The following CHSY1 variants were observed in gnomAD, a reference collection of about 807,000 sequenced individuals.
The protein encoded by CHSY1 is N-acetylgalactosaminyl-proteoglycan 3-beta-glucuronosyltransferase 1.
CHSY1 carries 13 observed loss-of-function variants against 59.8 expected under a neutral mutation model. That is an observed-to-expected ratio of 0.22 (90% CI 0.14 to 0.35). The LOEUF is 0.35. CHSY1 is among the 10% of genes least tolerant of loss of function. CHSY1 has a pLI of 1.00. For synonymous variants in CHSY1, 459 were observed against 401.2 expected, an observed-to-expected ratio of 1.14 and a Z score of -1.72; for missense variants, 947 against 1,030.6, an observed-to-expected ratio of 0.92 and a Z score of 1.11.
chr15:101,234,395 G>A (rs117723043), intron 2 of CHSY1, among the ~76,000 whole-genome samples: 14,789 of 151,990 alleles, frequency 0.097, 992 homozygotes, highest in Middle Eastern at 0.18. Context: ...GAAGAGCCAG[G>A]CCTTTGCAAA....
chr15:101,225,868 T>C (rs2038836456), intron 2 of CHSY1, among the ~76,000 whole-genome samples: 2 of 152,228 alleles, frequency 1.3e-5, no homozygotes, highest in African/African-American at 4.8e-5. Flanking sequence ...TTCAAATGTA[T>C]ACAGGAAATG....
Position 101,178,624 on chromosome 15 carries a change from C to A in CHSY1, c.1173G>T (p.Gln391His). 1 of 1,614,234 alleles carries A rather than the reference C, an allele frequency of 6.2e-7. No homozygotes were observed. The part of the protein sequence containing the change: ...GKYLYSAVDG[Q>H]PPRRGMDSAQ... ...CGGAGTCCATTCCTCTTCGAGGGGG[C>A]TGGCCGTCAACTGCCGAATACAAGT... The change falls in exon 3 of 3, where the codon CAG becomes CAT. Residue 391 changes from glutamine to histidine, a missense_variant. Physicochemically the swap from Gln to His is conservative, Grantham distance 24 (BLOSUM62 0). Coordinates refer to ENST00000254190, the MANE Select transcript of CHSY1 (RefSeq NM_014918.5).
At position 101,176,376 on chromosome 15, in the gene CHSY1, G is replaced by A. The variant is rs1222060101; in HGVS notation, c.*1012C>T. 1 of 398,420 alleles carries A rather than the reference G, an allele frequency of 2.5e-6. No individual in the cohort carries two copies. The highest frequency in any genetic ancestry group is 4.4e-6 in the Non-Finnish European group (1 of 226,040). 24.7% of individuals were successfully genotyped at this position (398,420 alleles called of 1,614,324 possible). A position where few individuals can be genotyped will look rare whatever the true frequency, so the allele number is the denominator to read the frequency against. ...AACGTTTTGATTAGGGTGTATGTGTGTATGTTTCAGTCTGTGTACATCAGA... is the reference window on the plus strand; with the variant it reads ...AACGTTTTGATTAGGGTGTATGTGTATATGTTTCAGTCTGTGTACATCAGA... On this transcript the variant is annotated 3_prime_UTR_variant, in exon 3 of 3. Coordinates refer to ENST00000254190, the MANE Select transcript of CHSY1 (RefSeq NM_014918.5).
At chr15:101,226,320 G>T (rs1179495589) in intron 2 of CHSY1, among the ~76,000 whole-genome samples, 1 of 152,102 alleles carries the variant, frequency 6.6e-6, no homozygotes, top group Non-Finnish European at 1.5e-5. Flanking sequence ...ATGAGCTATG[G>T]TAATAGGTAA....
Position 101,177,738 on chromosome 15 carries a change from A to G in CHSY1, c.2059T>C (p.Phe687Leu). The G allele has an allele frequency of 6.2e-7, 1 of 1,614,232 alleles. No homozygotes were observed. The highest frequency in any genetic ancestry group is 8.5e-7 in the Non-Finnish European group (1 of 1,180,038). The change falls in exon 3 of 3, where the codon TTC becomes CTC. Residue 687 changes from phenylalanine (F) to leucine (L), a missense_variant. By Grantham distance (22) the Phe-to-Leu change is conservative. Around this residue, in one of 4 missense-constraint regions of CHSY1, gnomAD observed 602 missense variants for 676.9 expected, o/e 0.89. Transcript: ENST00000254190. ...NHFAFTQKTGFWRNYGFGITC... is the reference protein window; with the variant it reads ...NHFAFTQKTGLWRNYGFGITC... The stretch of plus-strand genomic sequence containing the variant: ...ATGCCAAACCCATAGTTTCTCCAGA[A>G]GCCAGTTTTCTGAGTAAAGGCAAAA...
chr15:101,250,816 G>A (rs2039100436), intron 1 of CHSY1, among the ~76,000 whole-genome samples: 1 of 152,176 alleles, frequency 6.6e-6, no homozygotes, highest in Admixed American at 6.5e-5. Context: ...CATTATGAGG[G>A]AGACCCGATC....
rs886099798 is a variant in CHSY1 at position 101,175,991 on chromosome 15, G to A, written c.*1397C>T. The A allele has an allele frequency of 9.3e-6, 3 of 322,192 alleles. No homozygotes were observed. The highest frequency in any genetic ancestry group is 9.8e-5 in the Admixed American group (2 of 20,390). The allele number at this position is 322,192 out of a possible 1,614,324, so 20.0% of individuals were successfully genotyped here. On this transcript the variant is annotated 3_prime_UTR_variant, in exon 3 of 3. Coordinates refer to ENST00000254190, the MANE Select transcript of CHSY1 (RefSeq NM_014918.5). The stretch of plus-strand genomic sequence containing the variant: ...AATTTAACTTTCTGGTATAATGACA[G>A]ATTCATTTCACTTTTGTCCCCAAAA...
At chr15:101,187,885 AG>A (rs1420955446) in intron 2 of CHSY1, 1 of 271,756 alleles carries the variant, frequency 3.7e-6, no homozygotes. Flanking sequence ...GTCATTCTCC[AG>A]TGAATCTGAG....
chr15:101,196,964 G>A (rs895573366), intron 2 of CHSY1, among the ~76,000 whole-genome samples: 1 of 152,160 alleles, frequency 6.6e-6, no homozygotes, highest in Admixed American at 6.5e-5. Context: ...GAACAAAAAG[G>A]GGCAAAGCAT....
At chr15:101,185,268 T>C (rs1596426549) in intron 2 of CHSY1, among the ~76,000 whole-genome samples, 1 of 152,234 alleles carries the variant, frequency 6.6e-6, no homozygotes, top group Non-Finnish European at 1.5e-5. Flanking sequence ...CAATGAGATA[T>C]TAAAGCCAGG....
intron 2 of CHSY1, among the ~76,000 whole-genome samples, chr15:101,185,187 G>A (rs887241602): frequency 2.0e-5 from 3 of 152,214 alleles, no homozygotes; most frequent in Non-Finnish European, 4.4e-5. Flanking sequence ...TGGAGAGGCA[G>A]AAATCAAATA....
In CHSY1 at chr15:101,235,581, G is replaced by T; in HGVS notation, c.321-4C>A. On this transcript the variant is annotated splice_region_variant and splice_polypyrimidine_tract_variant and intron_variant, in intron 1 of 2. Coordinates refer to ENST00000254190, the MANE Select transcript of CHSY1 (RefSeq NM_014918.5). ...AGGAATTGTCTTGGACCATGTTCTG[G>T]AATTAAAATAAATATCAGTTAGAGA... 1 of 1,606,332 alleles carries T rather than the reference G, an allele frequency of 6.2e-7. No homozygotes were observed. The highest frequency in any genetic ancestry group is 1.3e-5 in the African/African-American group (1 of 74,920).
intron 1 of CHSY1, among the ~76,000 whole-genome samples, chr15:101,248,658 T>A (rs1164567132): frequency 6.6e-6 from 1 of 152,084 alleles, no homozygotes; most frequent in Admixed American, 6.5e-5. Flanking sequence ...TGAGATTAAG[T>A]CTTACATCCA....
chr15:101,225,926 C>G (rs1018239365), intron 2 of CHSY1, among the ~76,000 whole-genome samples: 2 of 152,176 alleles, frequency 1.3e-5, no homozygotes, highest in Non-Finnish European at 2.9e-5. Context: ...TCGATCCCAC[C>G]TCCTGAGAGT....
intron 2 of CHSY1, among the ~76,000 whole-genome samples, chr15:101,189,823 C>A (rs2038422083): frequency 6.6e-6 from 1 of 152,256 alleles, no homozygotes. Context: ...CTAAAGACTC[C>A]AGCGGCGCTG....
Position 101,175,790 on chromosome 15 carries a change from G to C in CHSY1, c.*1598C>G, listed in dbSNP as rs1267751137. On this transcript the variant is annotated 3_prime_UTR_variant, in exon 3 of 3. Coordinates refer to ENST00000254190, the MANE Select transcript of CHSY1 (RefSeq NM_014918.5). ...TCTTCAGCTAAAACAGGAATAATGA[G>C]ACAAAATGGTTCGAAAAGTACAATA... 1 of 85,882 alleles carries C rather than the reference G, an allele frequency of 1.2e-5. No individual in the cohort carries two copies. The highest frequency in any genetic ancestry group is 2.0e-5 in the Non-Finnish European group (1 of 48,884). The allele number at this position is 85,882 out of a possible 1,614,324, so 5.3% of individuals were successfully genotyped here.
At chr15:101,224,424 G>A (rs1255511823) in intron 2 of CHSY1, among the ~76,000 whole-genome samples, 1 of 152,212 alleles carries the variant, frequency 6.6e-6, no homozygotes, top group Admixed American at 6.5e-5. Context: ...ATGGGATGAT[G>A]TCAATTAACA....
intron 2 of CHSY1, among the ~76,000 whole-genome samples, chr15:101,220,202 C>T (rs2038775151): frequency 6.6e-6 from 1 of 152,090 alleles, no homozygotes; most frequent in Non-Finnish European, 1.5e-5. Flanking sequence ...ATCAAAGTTT[C>T]CTCCTATTTC....
intron 2 of CHSY1, among the ~76,000 whole-genome samples, chr15:101,218,885 C>T (rs2038761413): frequency 6.6e-6 from 1 of 152,170 alleles, no homozygotes; most frequent in Non-Finnish European, 1.5e-5. Context: ...GTCAAAAATT[C>T]TCAACATTTC....
Sources: gnomAD v4.1 joint callset for allele counts (sites outside exome capture counted in the v4.1 genomes callset) on GRCh38, gnomAD v4.1.1 for gene constraint, gnomAD v4.1.1 regional missense constraint, MANE v1.5 for transcripts, NCBI Gene and HGNC (gene_info 2026-07-23, HGNC 2026-07-21) for gene names.